The following PCNX2 variants were observed in gnomAD, a reference collection of about 807,000 sequenced individuals.
The protein encoded by PCNX2 is pecanex-like protein 2.
A neutral mutation model predicts 223.8 loss-of-function variants in PCNX2; 168 were observed. The ratio of observed to expected loss-of-function variants is 0.75; its 90% CI spans 0.66 to 0.85. PCNX2 has a LOEUF of 0.85. PCNX2 is among the 40% of genes least tolerant of loss of function. The pLI is 0.00. For missense variants in PCNX2, 2,507 were observed against 2,675.5 expected (o/e 0.94, Z 1.39); for synonymous variants, 1,006 against 1,052.6 (o/e 0.96, Z 0.86).
intron 25 of PCNX2, among the ~76,000 whole-genome samples, chr1:233,041,887 G>A (rs1671657419): frequency 6.6e-6 from 1 of 152,194 alleles, no homozygotes. Context: ...GCCCACATAG[G>A]TGGCCGAGAT....
At chr1:233,241,296 C>T (rs1572136538) in intron 8 of PCNX2, 1 of 985,358 alleles carries the variant, frequency 1.0e-6, no homozygotes, top group Non-Finnish European at 1.2e-6. Flanking sequence ...CTGTTGCCAC[C>T]GGAACAGAAC....
chr1:232,994,983 T>G (rs527300299), intron 32 of PCNX2, among the ~76,000 whole-genome samples: 1 of 152,330 alleles, frequency 6.6e-6, no homozygotes, highest in South Asian at 2.1e-4. Context: ...GAAAACAGAC[T>G]AATACATTCA....
chr1:233,173,522 C>T (rs965857190), intron 17 of PCNX2, among the ~76,000 whole-genome samples: 1 of 152,190 alleles, frequency 6.6e-6, no homozygotes, highest in African/African-American at 2.4e-5. Flanking sequence ...GCTTCTTTCT[C>T]AAGTTTTTAA....
At chr1:233,042,617 T>C (rs1281310386) in intron 25 of PCNX2, among the ~76,000 whole-genome samples, 1 of 152,144 alleles carries the variant, frequency 6.6e-6, no homozygotes, top group African/African-American at 2.4e-5. Flanking sequence ...CCTAAATATG[T>C]CCTGTGGTGG....
chr1:233,041,327 C>G (rs1671637364), intron 25 of PCNX2, among the ~76,000 whole-genome samples: 1 of 152,164 alleles, frequency 6.6e-6, no homozygotes, highest in South Asian at 2.1e-4. Context: ...ATTCAAAAAT[C>G]CAAAATCTTA....
At chr1:233,118,009 C>CAA (rs35266392) in intron 21 of PCNX2, among the ~76,000 whole-genome samples, 19,555 of 115,064 alleles carry the variant, frequency 0.17, 1,392 homozygotes, top group East Asian at 0.24. Context: ...GACTCCGTCT[C>CAA]AAAAAAAAAA....
chr1:233,226,543 T>A (rs1411731328), intron 10 of PCNX2, among the ~76,000 whole-genome samples: 1 of 152,200 alleles, frequency 6.6e-6, no homozygotes, highest in Non-Finnish European at 1.5e-5. Flanking sequence ...GTGCTGGGAT[T>A]ACGGGCTTGA....
At chr1:233,090,297 G>T (rs917017802) in intron 22 of PCNX2, 107 bp from the exon 23 acceptor site, 2 of 1,320,428 alleles carry the variant, frequency 1.5e-6, no homozygotes, top group Non-Finnish European at 2.1e-6. Context: ...TTCCACCAAA[G>T]AAAGAACAAA....
rs747033903 is a variant in PCNX2 at position 232,986,557 on chromosome 1, AAC to A, written c.5792-19_5792-18del. ...TCCTCCTGCCTTTAAAAGAAAGCAG[AAC>A]ACAGAGTTGTAGCGGGTGGGTCATG... On this transcript the variant is annotated intron_variant, in intron 32 of 33. Transcript: ENST00000258229. 3.3e-6 allele frequency: 5 copies of A among 1,500,906 alleles called. No homozygotes were observed. Among genetic ancestry groups the A allele is most frequent in the Non-Finnish European group, 4.4e-6 (5 of 1,125,778 alleles). 93.0% of individuals were successfully genotyped at this position (1,500,906 alleles called of 1,614,324 possible).
chr1:232,993,993 C>A (rs914306328), intron 32 of PCNX2, among the ~76,000 whole-genome samples: 2 of 152,294 alleles, frequency 1.3e-5, no homozygotes, highest in East Asian at 3.9e-4. Context: ...GATGTTCAGG[C>A]AAAAGTCTGC....
At chr1:233,121,881 C>T (rs896353150) in intron 21 of PCNX2, among the ~76,000 whole-genome samples, 26 of 152,114 alleles carry the variant, frequency 1.7e-4, no homozygotes, top group African/African-American at 6.0e-4. Context: ...CATATATTTC[C>T]TTGCTCTTTC....
chr1:233,269,329 C>T (rs1207331451), intron 1 of PCNX2, among the ~76,000 whole-genome samples: 1 of 152,148 alleles, frequency 6.6e-6, no homozygotes, highest in Non-Finnish European at 1.5e-5. Context: ...TCCCAGCCCA[C>T]AGCAGAAACT....
intron 26 of PCNX2, among the ~76,000 whole-genome samples, chr1:233,024,262 T>C (rs1671007203): frequency 6.6e-6 from 1 of 152,196 alleles, no homozygotes; most frequent in African/African-American, 2.4e-5. Context: ...GGTTAAAACT[T>C]TAGGTGCCAA....
intron 1 of PCNX2, among the ~76,000 whole-genome samples, chr1:233,286,795 G>C (rs1283154424): frequency 6.6e-6 from 1 of 152,032 alleles, no homozygotes; most frequent in Non-Finnish European, 1.5e-5. Context: ...AGTCAACAAA[G>C]AATCTTCCTG....
chr1:233,097,160 T>G (rs1004721992), intron 21 of PCNX2, among the ~76,000 whole-genome samples: 3 of 152,148 alleles, frequency 2.0e-5, no homozygotes, highest in Non-Finnish European at 4.4e-5. Context: ...CATCTGGTTA[T>G]GCATAGAACC....
chr1:233,166,201 A>T (rs56730329), intron 17 of PCNX2, among the ~76,000 whole-genome samples: 12,314 of 151,168 alleles, frequency 0.081, 1,416 homozygotes, highest in African/African-American at 0.26. Context: ...ATAAATAAAT[A>T]AATTAAATTA....
chr1:233,240,058 G>A (rs556034343), intron 8 of PCNX2, among the ~76,000 whole-genome samples: 1 of 152,290 alleles, frequency 6.6e-6, no homozygotes, highest in South Asian at 2.1e-4. Context: ...CATCTGTATT[G>A]TCATGTGTAT....
chr1:233,247,523 C>T (rs915362463), intron 8 of PCNX2, among the ~76,000 whole-genome samples: 1 of 152,038 alleles, frequency 6.6e-6, no homozygotes, highest in Admixed American at 6.6e-5. Context: ...GGAGTCTTGC[C>T]ATGTTGCCCA....
chr1:233,230,345 G>A (rs1275798754), intron 9 of PCNX2, among the ~76,000 whole-genome samples: 1 of 152,122 alleles, frequency 6.6e-6, no homozygotes, highest in Admixed American at 6.5e-5. Flanking sequence ...ACCCTCAGTG[G>A]AGTCTGAGAA....
Sources: gnomAD v4.1 joint callset for allele counts (sites outside exome capture counted in the v4.1 genomes callset) on GRCh38, gnomAD v4.1.1 for gene constraint, MANE v1.5 for transcripts, NCBI Gene and HGNC (gene_info 2026-07-23, HGNC 2026-07-21) for gene names.